HMCN2: variants seen among roughly 807,000 people sequenced by gnomAD.
HMCN2 encodes hemicentin 2.
A neutral mutation model predicts 377.5 loss-of-function variants in HMCN2; 325 were observed. That is an observed-to-expected ratio of 0.86 (90% CI 0.79 to 0.94). HMCN2 has a LOEUF of 0.94. Ranked by LOEUF, HMCN2 falls within the 40% of genes least tolerant of loss-of-function variation. The pLI, the probability that HMCN2 is intolerant of heterozygous loss-of-function variation, is 0.00. For synonymous variants in HMCN2, 2,007 were observed against 2,046.8 expected, an observed-to-expected ratio of 0.98 and a Z score of 0.53; for missense variants, 4,543 against 4,725.3, an observed-to-expected ratio of 0.96 and a Z score of 1.13.
intron 54 of HMCN2, 38 bp downstream of exon 54, chr9:130,379,505 G>A (rs571316166): frequency 2.2e-6 from 2 of 928,164 alleles, no homozygotes; most frequent in Admixed American, 6.2e-5. Context: ...GGCGCTTTGA[G>A]CTCTCCTGTG....
In HMCN2 at chr9:130,422,174, G is replaced by C. The variant is rs1844057482; in HGVS notation, c.13232-403G>C. On this transcript the variant is annotated intron_variant, in intron 86 of 97. Transcript: ENST00000683500. The surrounding 1 kb of genome is among the most constrained non-coding windows in gnomAD (Gnocchi z 4.2). ...CACCCGGCTCTGGCTCGGTGCCCTG[G>C]CTCCTTCAGTGTGCCAGCCACGCCA... is the stretch of plus-strand genomic sequence containing the variant. Among the ~76,000 whole-genome samples, 1 of 152,214 alleles carries C rather than the reference G, an allele frequency of 6.6e-6. No individual in the cohort carries two copies. The highest frequency in any genetic ancestry group is 2.1e-4 in the South Asian group (1 of 4,828).
intron 66 of HMCN2, among the ~76,000 whole-genome samples, chr9:130,392,548 C>T (rs1011180244): frequency 4.6e-5 from 7 of 152,158 alleles, no homozygotes; most frequent in Admixed American, 1.3e-4. Context: ...AAGAGGGCTG[C>T]GTAGAGGAAG....
intron 11 of HMCN2, among the ~76,000 whole-genome samples, chr9:130,305,744 T>C (rs1836815393): frequency 6.6e-6 from 1 of 152,166 alleles, no homozygotes; most frequent in Non-Finnish European, 1.5e-5. Flanking sequence ...GAACCTAAGC[T>C]TGGGGCCAAT....
chr9:130,424,687 G>T, intron 87 of HMCN2, 89 bp from the exon 88 acceptor site: 1 of 1,361,416 alleles, frequency 7.3e-7, no homozygotes, highest in South Asian at 1.7e-5. Context: ...TCTCCTGGGG[G>T]CAGTGGGGAG....
chr9:130,337,246 G>A (rs1838803017), intron 22 of HMCN2, among the ~76,000 whole-genome samples: 3 of 152,164 alleles, frequency 2.0e-5, no homozygotes, highest in African/African-American at 7.2e-5. Flanking sequence ...TTATCAAGCT[G>A]AGCCAGACTG....
Position 130,355,772 on chromosome 9 carries a change from G to C in HMCN2, c.5173G>C (p.Gly1725Arg), listed in dbSNP as rs746301196. ...QVPPQLLVAEGLGQVTTIVGQ... is the reference protein window; with the variant it reads ...QVPPQLLVAERLGQVTTIVGQ... The stretch of plus-strand genomic sequence containing the variant: ...GCCCCCACAGCTCCTGGTGGCTGAA[G>C]GCTTGGGACAGGTGACCACCATCGT... The change falls in exon 33 of 98, where the codon GGC becomes CGC. Residue 1725 changes from glycine to arginine, a missense_variant. Gly to Arg is a moderately radical substitution (Grantham distance 125). This residue lies in a region of HMCN2 where 1,032 missense variants were observed against 1,285.1 expected (regional missense o/e 0.80). Coordinates refer to ENST00000683500, the MANE Select transcript of HMCN2 (RefSeq NM_001291815.2). 20 of 1,303,562 alleles carry C rather than the reference G, an allele frequency of 1.5e-5. No individual in the cohort carries two copies. The highest frequency in any genetic ancestry group is 2.0e-5 in the Non-Finnish European group (20 of 988,952). The allele number at this position is 1,303,562 out of a possible 1,614,324, so 80.7% of individuals were successfully genotyped here.
intron 76 of HMCN2, 54 bp downstream of exon 76, chr9:130,399,686 C>G (rs79473398): frequency 5.0e-6 from 6 of 1,210,564 alleles, no homozygotes; most frequent in East Asian, 5.9e-5. Flanking sequence ...AGCGCCTTCC[C>G]GCTCTTGGGT....
chr9:130,355,493 A>G (rs1365826604), intron 32 of HMCN2, among the ~76,000 whole-genome samples: 1 of 152,216 alleles, frequency 6.6e-6, no homozygotes, highest in Non-Finnish European at 1.5e-5. Flanking sequence ...AACAAGGCCA[A>G]CCGGACTCCT....
At chr9:130,412,832 C>T (rs886757192) in intron 85 of HMCN2, among the ~76,000 whole-genome samples, 6 of 152,178 alleles carry the variant, frequency 3.9e-5, no homozygotes, top group African/African-American at 1.4e-4. Context: ...CTGCCTCGGC[C>T]TCCTAAAGTG....
At chr9:130,309,010 G>A (rs1454855067) in intron 14 of HMCN2, among the ~76,000 whole-genome samples, 1 of 152,272 alleles carries the variant, frequency 6.6e-6, no homozygotes, top group East Asian at 1.9e-4. Context: ...AAACAGTTCT[G>A]TGGAGGCCAG....
In HMCN2 at chr9:130,266,012, T is replaced by C. The variant is rs1554918788; in HGVS notation, c.134T>C (p.Val45Ala). ...GDATLAFVFD[V>A]TGSMWDELMQ... ...GCCACCCTGGCCTTCGTCTTCGACG[T>C]CACCGGCTCCATGTGGGACGAACTG... Residue 45 changes from valine (V) to alanine (A), a missense_variant, in exon 1 of 98, where the codon GTC (valine) becomes GCC (alanine). Coordinates refer to ENST00000683500, the MANE Select transcript of HMCN2 (RefSeq NM_001291815.2). The C allele has an allele frequency of 6.4e-6, 3 of 470,472 alleles. No homozygotes were observed. The highest frequency in any genetic ancestry group is 7.0e-5 in the East Asian group (1 of 14,264). The allele number at this position is 470,472 out of a possible 1,614,324, so 29.1% of individuals were successfully genotyped here.
chr9:130,303,061 T>C lies in HMCN2; in HGVS notation c.1421+60T>C. ...ACAGGGCTCCTGGCTGCTGAGGCCCTGGAGGGATCTCAGGGGAGTGGGTGG... is the reference window on the plus strand; with the variant it reads ...ACAGGGCTCCTGGCTGCTGAGGCCCCGGAGGGATCTCAGGGGAGTGGGTGG... On this transcript the variant is annotated intron_variant, in intron 9 of 97. Transcript: ENST00000683500. This position sits in a 1 kb window ranked among gnomAD's most constrained non-coding sequence, Gnocchi z 5.2. 1 of 421,086 alleles carries C rather than the reference T, an allele frequency of 2.4e-6. No homozygotes were observed. The highest frequency in any genetic ancestry group is 2.6e-5 in the Admixed American group (1 of 38,274). The allele number at this position is 421,086 out of a possible 1,614,324, so 26.1% of individuals were successfully genotyped here.
intron 54 of HMCN2, among the ~76,000 whole-genome samples, chr9:130,379,859 G>GT (rs950393887): frequency 6.6e-6 from 1 of 151,876 alleles, no homozygotes; most frequent in Non-Finnish European, 1.5e-5. Context: ...TTGTGTCTGG[G>GT]TTTTTTTTCT....
At chr9:130,355,091 T>C (rs1839955074) in intron 32 of HMCN2, 47 bp downstream of exon 32, 17 of 1,212,268 alleles carry the variant, frequency 1.4e-5, no homozygotes, top group Non-Finnish European at 1.7e-5. Flanking sequence ...TGTGGACGTC[T>C]GCCCAGGCCT....
In HMCN2 at chr9:130,399,583, G is replaced by A. The variant is rs1358474426; in HGVS notation, c.11556G>A (p.Val3852=). ...PQDSAQFECV[V]SNEVGEAHRL... is the part of the protein sequence containing the mutation. ...ACTCAGCCCAGTTTGAATGCGTGGTGAGCAATGAGGTGGGCGAGGCCCACA... is the reference window on the plus strand; with the variant it reads ...ACTCAGCCCAGTTTGAATGCGTGGTAAGCAATGAGGTGGGCGAGGCCCACA... The change falls in exon 76 of 98, where the codon GTG becomes GTA. Residue 3852 remains valine, a synonymous_variant. Transcript: ENST00000683500. 1.0e-5 allele frequency: 13 copies of A among 1,289,502 alleles called. No homozygotes were observed. The highest frequency in any genetic ancestry group is 1.0e-5 in the Non-Finnish European group (10 of 988,756). The allele number at this position is 1,289,502 out of a possible 1,614,324, so 79.9% of individuals were successfully genotyped here.
chr9:130,355,759 C>T lies in HMCN2; in HGVS notation c.5160C>T (p.Leu1720=). 2 of 1,303,470 alleles carry T rather than the reference C, an allele frequency of 1.5e-6. No homozygotes were observed. The highest frequency in any genetic ancestry group is 2.0e-6 in the Non-Finnish European group (2 of 988,902). The allele number at this position is 1,303,470 out of a possible 1,614,324, so 80.7% of individuals were successfully genotyped here. Residue 1720 remains leucine, a synonymous_variant, in exon 33 of 98, where the codon CTC becomes CTT. Coordinates refer to ENST00000683500, the MANE Select transcript of HMCN2 (RefSeq NM_001291815.2). ...YSVEVQVPPQ[L]LVAEGLGQVT... The stretch of plus-strand genomic sequence containing the variant: ...TTCTGCCTGCAGTGCCCCCACAGCT[C>T]CTGGTGGCTGAAGGCTTGGGACAGG...
At position 130,433,938 on chromosome 9, in the gene HMCN2, AAGCCCGGATCAGACCTCC is replaced by A. The variant is rs1195379946; in HGVS notation, c.*248_*265del. ...CCAGTCCCGCAGGCAGGGCCCGGGG[AAGCCCGGATCAGACCTCC>A]AGGTCTGATCCGCCCCTCAGTGGGA... On this transcript the variant is annotated 3_prime_UTR_variant, in exon 98 of 98. Coordinates refer to ENST00000683500, the MANE Select transcript of HMCN2 (RefSeq NM_001291815.2). The A allele has an allele frequency of 4.5e-6, 2 of 442,364 alleles. No individual in the cohort carries two copies. The highest frequency in any genetic ancestry group is 7.9e-6 in the Non-Finnish European group (2 of 253,110). The allele number at this position is 442,364 out of a possible 1,614,324, so 27.4% of individuals were successfully genotyped here. A position where few individuals can be genotyped will look rare whatever the true frequency, so the allele number is the denominator to read the frequency against.
intron 96 of HMCN2, 82 bp from the exon 97 acceptor site, chr9:130,432,347 T>G: frequency 1.5e-6 from 2 of 1,328,562 alleles, no homozygotes; most frequent in Non-Finnish European, 1.1e-6. Flanking sequence ...CCCCCAAAGG[T>G]ACTTCTCCCC....
rs1339470873 is a variant in HMCN2, at chr9:130,266,068, C to T, written c.190C>T (p.Leu64=). ...MQVIDGASRI[L]ERSLSRRSQA... The stretch of plus-strand genomic sequence containing the variant: ...GGTGATCGATGGCGCCTCGCGCATT[C>T]TGGAACGCAGTCTGAGCCGCCGCAG... The change falls in exon 1 of 98, where the codon CTG becomes TTG. Residue 64 remains leucine (L), a synonymous_variant. Transcript: ENST00000683500. The T allele has an allele frequency of 6.4e-6, 3 of 470,668 alleles. No homozygotes were observed. The highest frequency in any genetic ancestry group is 1.3e-5 in the Non-Finnish European group (3 of 227,032). 29.2% of individuals were successfully genotyped at this position (470,668 alleles called of 1,614,324 possible).
Sources: allele counts gnomAD v4.1 joint callset (sites outside exome capture counted in the v4.1 genomes callset), GRCh38; gene constraint gnomAD v4.1.1; regional missense constraint gnomAD v4.1.1; non-coding constraint Gnocchi (gnomAD v3.1); transcripts MANE v1.5; gene names NCBI Gene and HGNC (gene_info 2026-07-23, HGNC 2026-07-21).